ASIC2: variants seen among roughly 807,000 people sequenced by gnomAD.
The protein encoded by ASIC2 is acid sensing ion channel subunit 2, also known as acid-sensing ion channel 2.
In ASIC2, 25 loss-of-function variants were observed where a neutral mutation model predicts 57.3. The ratio of observed to expected loss-of-function variants is 0.44; its 90% confidence interval spans 0.32 to 0.61. The LOEUF (loss-of-function observed/expected upper bound fraction) is 0.61, where lower values mean the gene tolerates loss of function less well. ASIC2 is among the 20% of genes least tolerant of loss of function. The pLI, the probability that ASIC2 is intolerant of heterozygous loss-of-function variation, is 0.06. For missense variants in ASIC2, 641 were observed against 738.1 expected (o/e 0.87, Z 1.52); for synonymous variants, 319 against 307.5 (o/e 1.04, Z -0.39).
At chr17:33,220,587 A>C (rs532109793) in intron 1 of ASIC2, among the ~76,000 whole-genome samples, 1 of 152,204 alleles carries the variant, frequency 6.6e-6, no homozygotes, top group Non-Finnish European at 1.5e-5. Context: ...GTCTTTATCT[A>C]TGGAAAAATA....
intron 1 of ASIC2, among the ~76,000 whole-genome samples, chr17:33,532,782 T>A (rs1396312121): frequency 6.6e-6 from 1 of 152,202 alleles, no homozygotes; most frequent in Non-Finnish European, 1.5e-5. Context: ...ATAGCCTCGA[T>A]AGAATCGATA....
At chr17:33,532,382 T>C (rs1034563662) in intron 1 of ASIC2, among the ~76,000 whole-genome samples, 13 of 152,132 alleles carry the variant, frequency 8.5e-5, no homozygotes, top group Admixed American at 2.6e-4. Context: ...AATTATAAAA[T>C]AAAATTGCAG....
chr17:33,303,561 A>G (rs931786714), intron 1 of ASIC2, among the ~76,000 whole-genome samples: 3 of 152,194 alleles, frequency 2.0e-5, no homozygotes, highest in African/African-American at 7.2e-5. Flanking sequence ...ACATCTTTAC[A>G]AACCACAGGG....
intron 1 of ASIC2, among the ~76,000 whole-genome samples, chr17:33,800,095 C>T (rs2142144848): frequency 6.6e-6 from 1 of 152,218 alleles, no homozygotes; most frequent in Middle Eastern, 3.4e-3. Flanking sequence ...TGCTCTATTA[C>T]CTGCTTGACC....
intron 4 of ASIC2, among the ~76,000 whole-genome samples, chr17:33,027,135 C>T (rs940796723): frequency 6.6e-6 from 1 of 152,130 alleles, no homozygotes; most frequent in Non-Finnish European, 1.5e-5. Flanking sequence ...AGGTCACCCC[C>T]ACATTCACTG....
chr17:33,400,441 A>G (rs1197808382), intron 1 of ASIC2, among the ~76,000 whole-genome samples: 1 of 152,190 alleles, frequency 6.6e-6, no homozygotes, highest in African/African-American at 2.4e-5. Flanking sequence ...AAGGAGCTAA[A>G]GAGAAATGTG....
intron 1 of ASIC2, among the ~76,000 whole-genome samples, chr17:33,866,500 T>C (rs965472873): frequency 6.6e-6 from 1 of 152,194 alleles, no homozygotes; most frequent in African/African-American, 2.4e-5. Flanking sequence ...TGAGCACTTA[T>C]GTGATTATTC....
intron 1 of ASIC2, among the ~76,000 whole-genome samples, chr17:33,533,254 G>A (rs1915112646): frequency 6.6e-6 from 1 of 152,168 alleles, no homozygotes; most frequent in African/African-American, 2.4e-5. Context: ...GCTGAGGCAG[G>A]AGAATCGCTT....
chr17:33,574,808 A>G (rs1465947514), intron 1 of ASIC2, among the ~76,000 whole-genome samples: 1 of 151,002 alleles, frequency 6.6e-6, no homozygotes, highest in Admixed American at 6.6e-5. Flanking sequence ...AGAACGGCAC[A>G]TTTATTGTGT....
At chr17:33,171,375 C>T (rs558225150) in intron 1 of ASIC2, among the ~76,000 whole-genome samples, 9 of 152,342 alleles carry the variant, frequency 5.9e-5, no homozygotes, top group Admixed American at 5.2e-4. Flanking sequence ...AACATGTCCA[C>T]ACTTGGTCTT....
chr17:33,490,377 A>C (rs533359606), intron 1 of ASIC2, among the ~76,000 whole-genome samples: 7 of 152,386 alleles, frequency 4.6e-5, no homozygotes, highest in South Asian at 4.1e-4. Flanking sequence ...CCATGTGGTC[A>C]GATAAATTTG....
intron 1 of ASIC2, among the ~76,000 whole-genome samples, chr17:33,328,732 TAA>T (rs1044487018): frequency 3.3e-5 from 5 of 152,204 alleles, no homozygotes; most frequent in African/African-American, 1.2e-4. Context: ...GCCAAAAAGC[TAA>T]AAAATAAAAC....
At chr17:33,829,674 T>A (rs1251310990) in intron 1 of ASIC2, among the ~76,000 whole-genome samples, 1 of 151,940 alleles carries the variant, frequency 6.6e-6, no homozygotes, top group Non-Finnish European at 1.5e-5. Flanking sequence ...CCTCCCAGCT[T>A]CAAGCGATTC....
intron 1 of ASIC2, among the ~76,000 whole-genome samples, chr17:34,050,126 A>G (rs1422578765): frequency 6.6e-6 from 1 of 152,240 alleles, no homozygotes; most frequent in Non-Finnish European, 1.5e-5. Context: ...ATCTTTCCAC[A>G]TGCCTGAACC....
chr17:33,837,607 T>C (rs923663458), intron 1 of ASIC2, among the ~76,000 whole-genome samples: 2 of 152,228 alleles, frequency 1.3e-5, no homozygotes, highest in African/African-American at 4.8e-5. Flanking sequence ...CCTCTCTACT[T>C]CAGGATCACT....
At chr17:33,611,374 C>T (rs28416839) in intron 1 of ASIC2, among the ~76,000 whole-genome samples, 23,494 of 152,212 alleles carry the variant, frequency 0.15, 1,971 homozygotes, top group Non-Finnish European at 0.2. Flanking sequence ...TGTAAGATGG[C>T]CTTCAATAAC....
intron 1 of ASIC2, among the ~76,000 whole-genome samples, chr17:33,911,784 A>T (rs543983737): frequency 5.3e-4 from 80 of 152,172 alleles, no homozygotes; most frequent in Non-Finnish European, 1.0e-3. Flanking sequence ...ATTCATACTT[A>T]TGGATTGAAT....
At chr17:33,411,477 C>T (rs1454341019) in intron 1 of ASIC2, among the ~76,000 whole-genome samples, 1 of 152,174 alleles carries the variant, frequency 6.6e-6, no homozygotes, top group African/African-American at 2.4e-5. Context: ...AACAGCCTCC[C>T]TTACTGGGCA....
At chr17:33,473,430 GCCTAGA>G (rs1354517442) in intron 1 of ASIC2, among the ~76,000 whole-genome samples, 2 of 152,226 alleles carry the variant, frequency 1.3e-5, no homozygotes, top group Non-Finnish European at 2.9e-5. Context: ...ATAAATGACA[GCCTAGA>G]CAAGGCACCC....
Sources: gnomAD v4.1 joint callset for allele counts (sites outside exome capture counted in the v4.1 genomes callset) on GRCh38, gnomAD v4.1.1 for gene constraint, MANE v1.5 for transcripts, NCBI Gene and HGNC (gene_info 2026-07-23, HGNC 2026-07-21) for gene names.